Variants in RNF14 observed in about 807,000 individuals in gnomAD.
The protein encoded by RNF14 is ring finger protein 14.
In RNF14, 26 loss-of-function variants were observed where a neutral mutation model predicts 52.6. That is an observed-to-expected ratio of 0.49 (90% CI 0.36 to 0.69). The LOEUF is 0.69. Among genes scored for constraint, RNF14 ranks in the 30% least tolerant of loss-of-function variants. The probability of loss-of-function intolerance (pLI) is 0.00; values close to 1 mark genes in which losing one functional copy is unlikely to be tolerated. For missense variants in RNF14, 404 were observed against 560.4 expected, an observed-to-expected ratio of 0.72 and a Z score of 2.82; for synonymous variants, 194 against 202.0, an observed-to-expected ratio of 0.96 and a Z score of 0.34.
At chr5:141,953,531 G>T (rs1223423274), upstream of RNF14, among the ~76,000 whole-genome samples, 1 of 152,222 alleles carries the variant, frequency 6.6e-6, no homozygotes, top group African/African-American at 2.4e-5. Context: ...GACTCTATGT[G>T]CTGCTGGAAA....
chr5:141,965,912 A>G (rs188609252), upstream of RNF14, among the ~76,000 whole-genome samples: 8 of 152,056 alleles, frequency 5.3e-5, no homozygotes, highest in East Asian at 1.5e-3. Flanking sequence ...AATCTGTACA[A>G]CAAACCCCCG....
upstream of RNF14, chr5:141,957,344 G>A: frequency 6.2e-7 from 1 of 1,613,726 alleles, no homozygotes; most frequent in Non-Finnish European, 8.5e-7. The surrounding 1 kb of genome is among the most constrained non-coding windows in gnomAD (Gnocchi z 4.3). Context: ...GTGTAGGTGT[G>A]CAGGGTGTTA....
chr5:141,956,897 C>T (rs752665010), upstream of RNF14: 2 of 1,614,164 alleles, frequency 1.2e-6, no homozygotes, highest in East Asian at 2.2e-5. Context: ...ACATCCACCT[C>T]GTAGGCAGGG....
In RNF14 at chr5:141,988,942, TCTTTC is replaced by T. The variant is rs1432261183; in HGVS notation, c.*1156_*1160del. The T allele has an allele frequency of 6.6e-6, 1 of 152,364 alleles. No homozygotes were observed. The highest frequency in any genetic ancestry group is 2.4e-5 in the African/African-American group (1 of 41,458). The allele number at this position is 152,364 out of a possible 1,614,324, so 9.4% of individuals were successfully genotyped here. On this transcript the variant is annotated 3_prime_UTR_variant, in exon 9 of 9. Coordinates refer to ENST00000394520, the MANE Select transcript of RNF14 (RefSeq NM_004290.5). ...GTTTTGTTGGCTTTTTGAAAAATTG[TCTTTC>T]CTTATCATTGGTGGGAGGCTTGGTA...
upstream of RNF14, among the ~76,000 whole-genome samples, chr5:141,962,540 C>T (rs767813228): frequency 1.3e-5 from 2 of 151,914 alleles, no homozygotes; most frequent in Non-Finnish European, 2.9e-5. Context: ...AGTTGATTTA[C>T]GTGATAAAAA....
At chr5:141,950,052 T>TG in the RNF14 span, among the ~76,000 whole-genome samples, 29 of 152,330 alleles carry the variant, frequency 1.9e-4, no homozygotes, top group East Asian at 5.6e-3. Context: ...CCCTTACTGA[T>TG]GCTCAGAACA....
chr5:141,987,959 T>C lies in RNF14; in HGVS notation c.*169T>C, dbSNP rs187793930. On this transcript the variant is annotated 3_prime_UTR_variant, in exon 9 of 9. Transcript: ENST00000394520. ...ATGTGGTACTACTGAAGAAGGTGCA[T>C]TGATACATTTTTAAATGTAAGTTGA... 16 of 591,930 alleles carry C rather than the reference T, an allele frequency of 2.7e-5. No individual in the cohort carries two copies. In the East Asian group the frequency reaches 4.2e-4, roughly 15 times the overall value. The allele number at this position is 591,930 out of a possible 1,614,324, so 36.7% of individuals were successfully genotyped here.
chr5:141,951,310 A>G, the RNF14 span, among the ~76,000 whole-genome samples: 1 of 152,158 alleles, frequency 6.6e-6, no homozygotes, highest in Non-Finnish European at 1.5e-5. Flanking sequence ...TCCTGTAAAT[A>G]CTATCAATAC....
At chr5:141,985,039 T>G in intron 8 of RNF14, 106 bp downstream of exon 8, 1 of 1,043,860 alleles carries the variant, frequency 9.6e-7, no homozygotes, top group South Asian at 1.7e-5. Flanking sequence ...TTTAGAGAAT[T>G]CTCTTACATG....
At position 141,983,488 on chromosome 5, in the gene RNF14, T is replaced by C. The variant is rs1209129561; in HGVS notation, c.1172T>C (p.Met391Thr). ...GTGATTCAGAAGGCACTGGAAGAGA[T>C]GGAAAGTAAGGAGTGGCTAGAGAAG... ...KRVIQKALEEMESKEWLEKNS... is the reference protein window; with the variant it reads ...KRVIQKALEETESKEWLEKNS... The change falls in exon 7 of 9, where the codon ATG (methionine) becomes ACG (threonine). Residue 391 changes from methionine to threonine, a missense_variant. By Grantham distance (81) the Met-to-Thr change is moderately conservative. Coordinates refer to ENST00000394520, the MANE Select transcript of RNF14 (RefSeq NM_004290.5). 5 of 1,613,224 alleles carry C rather than the reference T, an allele frequency of 3.1e-6. No homozygotes were observed. The highest frequency in any genetic ancestry group is 4.2e-6 in the Non-Finnish European group (5 of 1,179,956).
intron 2 of RNF14, among the ~76,000 whole-genome samples, chr5:141,972,532 TGTC>T (rs1448316660): frequency 2.6e-5 from 4 of 152,162 alleles, no homozygotes; most frequent in Non-Finnish European, 5.9e-5. Flanking sequence ...TACTTCAAAA[TGTC>T]AATAGAGCTG....
upstream of RNF14, among the ~76,000 whole-genome samples, chr5:141,953,774 C>T (rs1208244982): frequency 6.6e-6 from 1 of 152,194 alleles, no homozygotes; most frequent in Non-Finnish European, 1.5e-5. Context: ...CTGCACCGAT[C>T]CCAGGGCAAG....
upstream of RNF14, chr5:141,955,732 C>T (rs767990575): frequency 2.1e-5 from 34 of 1,613,932 alleles, no homozygotes; most frequent in Middle Eastern, 1.6e-4. This position sits in a 1 kb window ranked among gnomAD's most constrained non-coding sequence, Gnocchi z 5.5. Flanking sequence ...CCCAGGCTTG[C>T]GGGCTGAGTC....
At chr5:141,956,933 G>C, upstream of RNF14, 3 of 1,614,108 alleles carry the variant, frequency 1.9e-6, no homozygotes, top group Non-Finnish European at 2.5e-6. Context: ...AGAGGTCGAC[G>C]CAGAATGACC....
At chr5:141,976,789 T>G (rs1465726536) in intron 4 of RNF14, among the ~76,000 whole-genome samples, 10 of 6,640 alleles carry the variant, frequency 1.5e-3, no homozygotes. Context: ...TTTTTTTTTT[T>G]TTTTTTTTTT....
At chr5:141,955,565 G>A, upstream of RNF14, 1 of 1,614,180 alleles carries the variant, frequency 6.2e-7, no homozygotes, top group Non-Finnish European at 8.5e-7. The surrounding 1 kb of genome is among the most constrained non-coding windows in gnomAD (Gnocchi z 5.5). Flanking sequence ...GGCCTCTTGG[G>A]CTGCTGGCGG....
chr5:141,971,626 T>C (rs1482967777), intron 2 of RNF14, among the ~76,000 whole-genome samples: 1 of 128,062 alleles, frequency 7.8e-6, no homozygotes, highest in Non-Finnish European at 1.6e-5. Context: ...CTTTCTTCTT[T>C]CTTTCTTTCC....
At chr5:141,982,033 G>A (rs1754834715) in intron 6 of RNF14, among the ~76,000 whole-genome samples, 1 of 152,108 alleles carries the variant, frequency 6.6e-6, no homozygotes, top group Non-Finnish European at 1.5e-5. Flanking sequence ...CAGATGGAAT[G>A]GAGAACTTAG....
At chr5:141,956,232 G>A (rs540451415), upstream of RNF14, 25 of 1,614,064 alleles carry the variant, frequency 1.5e-5, no homozygotes, top group East Asian at 4.5e-5. Flanking sequence ...TGGGTTGCCC[G>A]CTGTCCTCTG....
Sources: allele counts gnomAD v4.1 joint callset (sites outside exome capture counted in the v4.1 genomes callset), GRCh38; gene constraint gnomAD v4.1.1; non-coding constraint Gnocchi (gnomAD v3.1); transcripts MANE v1.5; gene names NCBI Gene and HGNC (gene_info 2026-07-23, HGNC 2026-07-21).